ARMC3: variants seen among roughly 807,000 people sequenced by gnomAD.
ARMC3 encodes armadillo repeat containing 3.
In ARMC3, 74 loss-of-function variants were observed where a neutral mutation model predicts 90.3. The ratio of observed to expected loss-of-function variants is 0.82; its 90% CI spans 0.68 to 0.99. The LOEUF (loss-of-function observed/expected upper bound fraction) is 0.99, where lower values mean the gene tolerates loss of function less well. Among genes scored for constraint, ARMC3 ranks in the 50% least tolerant of loss-of-function variants. ARMC3 has a pLI of 0.00. For synonymous variants in ARMC3, 334 were observed against 361.8 expected (o/e 0.92, Z 0.87); for missense variants, 958 against 1,042.8 (o/e 0.92, Z 1.12).
At chr10:23,028,841 A>T (rs1334129866) in intron 16 of ARMC3, among the ~76,000 whole-genome samples, 1 of 150,842 alleles carries the variant, frequency 6.6e-6, no homozygotes, top group East Asian at 1.9e-4. Context: ...GGATAAGCCT[A>T]GGAATTTATA....
intron 8 of ARMC3, among the ~76,000 whole-genome samples, chr10:22,972,628 T>C (rs1663083076): frequency 6.6e-6 from 1 of 152,216 alleles, no homozygotes; most frequent in Non-Finnish European, 1.5e-5. Context: ...GATTGTATTA[T>C]GTTCCCTTCA....
At chr10:23,007,503 G>A (rs1396883118) in intron 14 of ARMC3, among the ~76,000 whole-genome samples, 3 of 151,978 alleles carry the variant, frequency 2.0e-5, no homozygotes, top group East Asian at 1.9e-4. Flanking sequence ...TCAAGAGATC[G>A]AGGCCAACAT....
At chr10:22,930,619 A>G (rs1158852317) in intron 1 of ARMC3, among the ~76,000 whole-genome samples, 1 of 152,188 alleles carries the variant, frequency 6.6e-6, no homozygotes, top group Non-Finnish European at 1.5e-5. Context: ...AGGAGTTTCT[A>G]TGAAGACGTG....
At chr10:22,934,086 C>T (rs1393171666) in intron 2 of ARMC3, among the ~76,000 whole-genome samples, 1 of 152,202 alleles carries the variant, frequency 6.6e-6, no homozygotes, top group Non-Finnish European at 1.5e-5. Context: ...ATGAAAACCA[C>T]ATTTAAAGAG....
chr10:22,964,273 G>A (rs1219388426), intron 7 of ARMC3, among the ~76,000 whole-genome samples: 2 of 152,036 alleles, frequency 1.3e-5, no homozygotes, highest in South Asian at 2.1e-4. Context: ...GATAATATAT[G>A]TATATGGACT....
At chr10:23,035,496 A>G (rs1839095098) in intron 18 of ARMC3, among the ~76,000 whole-genome samples, 1 of 152,092 alleles carries the variant, frequency 6.6e-6, no homozygotes, top group Non-Finnish European at 1.5e-5. Flanking sequence ...ACTCACTGGT[A>G]AAATATCTTA....
intron 10 of ARMC3, among the ~76,000 whole-genome samples, chr10:22,991,177 C>G (rs1010761237): frequency 2.6e-5 from 4 of 152,146 alleles, no homozygotes; most frequent in African/African-American, 9.7e-5. Context: ...GTTTGTTTTT[C>G]CGGTCTCTGT....
chr10:23,033,113 G>A (rs1057218143), intron 18 of ARMC3, 90 bp downstream of exon 18: 5 of 1,250,494 alleles, frequency 4.0e-6, no homozygotes, highest in Non-Finnish European at 5.6e-6. Flanking sequence ...CATTTAACTG[G>A]ATATTATTAA....
chr10:22,935,880 A>G (rs145901571), intron 2 of ARMC3, among the ~76,000 whole-genome samples: 6 of 152,270 alleles, frequency 3.9e-5, no homozygotes, highest in Admixed American at 1.3e-4. Context: ...GAAAGTTCCT[A>G]TTAGATGAAT....
At chr10:22,966,555 A>T (rs931723310) in intron 7 of ARMC3, among the ~76,000 whole-genome samples, 1 of 152,222 alleles carries the variant, frequency 6.6e-6, no homozygotes, top group African/African-American at 2.4e-5. Flanking sequence ...AGAGAAATAG[A>T]ACCAACAGGA....
At chr10:23,014,120 A>C in intron 16 of ARMC3, 1 of 1,550,050 alleles carries the variant, frequency 6.5e-7, no homozygotes, top group Non-Finnish European at 8.7e-7. Flanking sequence ...ACTTCAAGAT[A>C]AACCCTGAAG....
chr10:23,001,580 G>A (rs905651164), intron 11 of ARMC3, among the ~76,000 whole-genome samples: 1 of 152,158 alleles, frequency 6.6e-6, no homozygotes, highest in African/African-American at 2.4e-5. Flanking sequence ...CTATCACTGA[G>A]CTGAATGAAT....
chr10:22,930,897 TGG>T (rs1405876833), intron 1 of ARMC3, among the ~76,000 whole-genome samples: 1 of 152,118 alleles, frequency 6.6e-6, no homozygotes, highest in African/African-American at 2.4e-5. Context: ...ATAGATTTCC[TGG>T]GTTATTCTAA....
intron 3 of ARMC3, 52 bp downstream of exon 3, chr10:22,946,313 TTAC>T (rs1834525125): frequency 7.9e-7 from 1 of 1,261,358 alleles, no homozygotes; most frequent in African/African-American, 1.5e-5. Context: ...CTTAAAATAT[TTAC>T]TACCTCTTGG....
At chr10:22,932,169 A>G in intron 2 of ARMC3, 125 bp downstream of exon 2, 1 of 630,954 alleles carries the variant, frequency 1.6e-6, no homozygotes, top group Non-Finnish European at 2.6e-6. Flanking sequence ...AAGTCTGACT[A>G]ATGATAAGAT....
At chr10:22,973,760 T>C (rs1267599137) in intron 8 of ARMC3, among the ~76,000 whole-genome samples, 3 of 135,804 alleles carry the variant, frequency 2.2e-5, no homozygotes, top group African/African-American at 8.4e-5. Context: ...TTTCTTTTTT[T>C]TTTTTTTTTT....
At chr10:23,020,898 T>C (rs1445592476) in intron 16 of ARMC3, among the ~76,000 whole-genome samples, 6 of 152,204 alleles carry the variant, frequency 3.9e-5, no homozygotes, top group Non-Finnish European at 7.3e-5. Flanking sequence ...AATGATCCTG[T>C]CACCCAGGTA....
intron 13 of ARMC3, among the ~76,000 whole-genome samples, chr10:23,006,320 T>A (rs117858891): frequency 0.03 from 4,522 of 152,302 alleles, 88 homozygotes; most frequent in Middle Eastern, 0.075. Context: ...GGCAGAAGAA[T>A]GACAGGATTG....
intron 16 of ARMC3, among the ~76,000 whole-genome samples, chr10:23,021,929 C>T (rs1052368083): frequency 6.6e-6 from 1 of 151,750 alleles, no homozygotes; most frequent in African/African-American, 2.4e-5. Flanking sequence ...CTTTTTATTC[C>T]CTTAGCAGTA....
Sources: allele counts gnomAD v4.1 joint callset (sites outside exome capture counted in the v4.1 genomes callset), GRCh38; gene constraint gnomAD v4.1.1; transcripts MANE v1.5; gene names NCBI Gene and HGNC (gene_info 2026-07-23, HGNC 2026-07-21).